Variants in THSD7A observed in about 807,000 individuals in gnomAD.
The protein encoded by THSD7A is thrombospondin type 1 domain containing 7A, also known as thrombospondin type-1 domain-containing protein 7A.
Under a neutral mutation model 231.3 loss-of-function variants are expected in THSD7A, and 96 were observed. That is an observed-to-expected ratio of 0.41 (90% CI 0.35 to 0.49). The LOEUF is 0.49. THSD7A is among the 20% of genes least tolerant of loss of function. The pLI is 0.05. For synonymous variants in THSD7A, 940 were observed against 743.3 expected, an observed-to-expected ratio of 1.26 and a Z score of -4.30; for missense variants, 2,290 against 2,070.2, an observed-to-expected ratio of 1.11 and a Z score of -2.06.
intron 6 of THSD7A, among the ~76,000 whole-genome samples, chr7:11,504,362 G>A (rs1284803205): frequency 1.3e-5 from 2 of 152,072 alleles, no homozygotes; most frequent in African/African-American, 2.4e-5. Flanking sequence ...ATGGGGTACT[G>A]AGCTTAATAC....
chr7:11,677,270 C>T (rs914166037), intron 1 of THSD7A, among the ~76,000 whole-genome samples: 28 of 151,620 alleles, frequency 1.8e-4, no homozygotes, highest in Non-Finnish European at 2.8e-4. Flanking sequence ...GAAGGAAACA[C>T]GAAATATGGA....
intron 6 of THSD7A, among the ~76,000 whole-genome samples, chr7:11,496,239 C>G (rs1222767843): frequency 6.6e-6 from 1 of 152,074 alleles, no homozygotes; most frequent in Non-Finnish European, 1.5e-5. Context: ...TTATTATACC[C>G]ATATTACAGA....
chr7:11,807,893 G>GA (rs1400255700), intron 1 of THSD7A, among the ~76,000 whole-genome samples: 2 of 152,026 alleles, frequency 1.3e-5, no homozygotes. Flanking sequence ...ACCTCAGTAA[G>GA]AACCAATAAT....
At chr7:11,672,602 A>G (rs1783437525) in intron 1 of THSD7A, among the ~76,000 whole-genome samples, 1 of 152,300 alleles carries the variant, frequency 6.6e-6, no homozygotes, top group East Asian at 1.9e-4. Flanking sequence ...ATATAATACA[A>G]TCATCTTGAT....
chr7:11,484,471 C>G (rs1466316676), intron 6 of THSD7A, among the ~76,000 whole-genome samples: 1 of 152,088 alleles, frequency 6.6e-6, no homozygotes, highest in African/African-American at 2.4e-5. Context: ...ACCATACACA[C>G]TCTCCCAGTC....
rs1370291792 is a variant in THSD7A at position 11,371,770 on chromosome 7, C to T, written c.*4024G>A. 6.9e-6 allele frequency: 1 copy of T among 143,970 alleles called. No homozygotes were observed. Among genetic ancestry groups the T allele is most frequent in the Non-Finnish European group, 1.5e-5 (1 of 66,372 alleles). The allele number at this position is 143,970 out of a possible 1,614,324, so 8.9% of individuals were successfully genotyped here. A position where few individuals can be genotyped will look rare whatever the true frequency, so the allele number is the denominator to read the frequency against. On this transcript the variant is annotated 3_prime_UTR_variant, in exon 28 of 28. Coordinates refer to ENST00000423059, the MANE Select transcript of THSD7A (RefSeq NM_015204.3). ...TTTTTTTTTTTTTTTTTCCTGCATG[C>T]CTTCCACATTTTTCCTTTTCCCTTT...
At chr7:11,522,430 T>C (rs1190717092) in intron 6 of THSD7A, among the ~76,000 whole-genome samples, 1 of 152,336 alleles carries the variant, frequency 6.6e-6, no homozygotes, top group Non-Finnish European at 1.5e-5. Context: ...TCACATACTT[T>C]CATGTTTATA....
intron 13 of THSD7A, among the ~76,000 whole-genome samples, chr7:11,430,112 C>A (rs1009719517): frequency 6.6e-6 from 1 of 152,100 alleles, no homozygotes; most frequent in Admixed American, 6.5e-5. Context: ...AACACTCTGC[C>A]TTGCCATTTT....
chr7:11,556,366 T>A (rs1406546607), intron 4 of THSD7A, among the ~76,000 whole-genome samples: 1 of 151,674 alleles, frequency 6.6e-6, no homozygotes, highest in East Asian at 1.9e-4. Context: ...ACTGATATTT[T>A]CATTTTGCTA....
chr7:11,482,998 C>T (rs1786493678), intron 6 of THSD7A, among the ~76,000 whole-genome samples: 1 of 152,116 alleles, frequency 6.6e-6, no homozygotes, highest in African/African-American at 2.4e-5. Flanking sequence ...GGGAACAGAA[C>T]AGAATGAAAT....
intron 1 of THSD7A, among the ~76,000 whole-genome samples, chr7:11,782,414 TACACACATG>T (rs1189355298): frequency 3.3e-5 from 5 of 152,078 alleles, no homozygotes; most frequent in African/African-American, 1.2e-4. Context: ...CACATACACA[TACACACATG>T]ACACACACAC....
At chr7:11,605,733 G>T (rs1019808449) in intron 2 of THSD7A, among the ~76,000 whole-genome samples, 2 of 152,104 alleles carry the variant, frequency 1.3e-5, no homozygotes, top group Non-Finnish European at 2.9e-5. Context: ...TAATTGGATA[G>T]GCTGGAGGAA....
chr7:11,698,481 T>C (rs1280045954), intron 1 of THSD7A, among the ~76,000 whole-genome samples: 1 of 142,796 alleles, frequency 7.0e-6, no homozygotes, highest in Non-Finnish European at 1.5e-5. Context: ...TATTTGCCAT[T>C]TAGCTACAGC....
intron 23 of THSD7A, among the ~76,000 whole-genome samples, chr7:11,396,909 A>C (rs1783208317): frequency 1.3e-5 from 2 of 152,228 alleles, no homozygotes; most frequent in Non-Finnish European, 2.9e-5. Context: ...CGAATCCAGC[A>C]GCACATCAAA....
intron 1 of THSD7A, among the ~76,000 whole-genome samples, chr7:11,764,297 A>T (rs975210928): frequency 9.2e-5 from 14 of 152,160 alleles, no homozygotes; most frequent in African/African-American, 3.4e-4. Flanking sequence ...ATTTAAAAGT[A>T]AAGACCGGGC....
At chr7:11,541,774 C>G in intron 5 of THSD7A, 143 bp from the exon 6 acceptor site, 1 of 725,442 alleles carries the variant, frequency 1.4e-6, no homozygotes, top group Non-Finnish European at 2.3e-6. Flanking sequence ...TATCCCCAAA[C>G]TGTAGCTAAT....
chr7:11,657,597 CATT>C (rs2128371669), intron 1 of THSD7A, among the ~76,000 whole-genome samples: 1 of 151,910 alleles, frequency 6.6e-6, no homozygotes, highest in Non-Finnish European at 1.5e-5. Context: ...GGATTTCTCA[CATT>C]ATCTGTCCCA....
At chr7:11,418,591 C>A (rs913556714) in intron 16 of THSD7A, among the ~76,000 whole-genome samples, 2 of 152,200 alleles carry the variant, frequency 1.3e-5, no homozygotes, top group Non-Finnish European at 2.9e-5. Context: ...TAAAATATCA[C>A]TTGAATTATA....
chr7:11,483,598 T>C (rs952673578), intron 6 of THSD7A, among the ~76,000 whole-genome samples: 1 of 152,196 alleles, frequency 6.6e-6, no homozygotes, highest in African/African-American at 2.4e-5. Flanking sequence ...AAAATCATTA[T>C]TGTATAAGGC....
Sources: gnomAD v4.1 joint callset for allele counts (sites outside exome capture counted in the v4.1 genomes callset) on GRCh38, gnomAD v4.1.1 for gene constraint, MANE v1.5 for transcripts, NCBI Gene and HGNC (gene_info 2026-07-23, HGNC 2026-07-21) for gene names.